The following SEL1L variants were observed in gnomAD, a reference collection of about 807,000 sequenced individuals.
SEL1L encodes the protein protein sel-1 homolog 1.
SEL1L carries 52 observed loss-of-function variants against 109.8 expected under a neutral mutation model. The observed-to-expected ratio is 0.47, with a 90% CI of 0.38 to 0.60. The LOEUF (loss-of-function observed/expected upper bound fraction) is 0.60. SEL1L is among the 20% of genes least tolerant of loss of function. The pLI, the probability that SEL1L is intolerant of heterozygous loss-of-function variation, is 0.00. For missense variants in SEL1L, 749 were observed against 962.2 expected, an observed-to-expected ratio of 0.78 and a Z score of 2.93; for synonymous variants, 373 against 339.6, an observed-to-expected ratio of 1.10 and a Z score of -1.08.
At position 81,502,782 on chromosome 14, in the gene SEL1L, A is replaced by C; in HGVS notation, c.716T>G (p.Ile239Ser). ...LLFGDYLPQN[I>S]QAAREMFEKL... ...CTCAAACATCTCTCTCGCTGCCTGG[A>C]TATTCTGTGGCAAGTAATCACCAAA... The change falls in exon 6 of 21, where the codon ATC becomes AGC. Residue 239 changes from isoleucine (I) to serine (S), a missense_variant. Physicochemically the swap from Ile to Ser is moderately radical, Grantham distance 142. This residue lies in a region of SEL1L where 366 missense variants were observed against 399.8 expected (regional missense o/e 0.92). Coordinates refer to ENST00000336735, the MANE Select transcript of SEL1L (RefSeq NM_005065.6). 1.9e-6 allele frequency: 3 copies of C among 1,614,104 alleles called. 1 individual carries two copies. In the South Asian group the frequency reaches 3.3e-5, roughly 18 times the overall value.
intron 1 of SEL1L, among the ~76,000 whole-genome samples, chr14:81,528,553 C>G (rs998478720): frequency 4.6e-5 from 7 of 152,142 alleles, no homozygotes; most frequent in African/African-American, 1.7e-4. Flanking sequence ...TAAACACATG[C>G]AACAACTCAA....
chr14:81,479,870 A>C, intron 19 of SEL1L, 130 bp from the exon 20 acceptor site: 4 of 834,368 alleles, frequency 4.8e-6, no homozygotes, highest in Non-Finnish European at 5.3e-6. Flanking sequence ...CACCTAAACA[A>C]AAATGCCAAG....
chr14:81,526,652 C>G, intron 3 of SEL1L, 81 bp downstream of exon 3: 1 of 1,024,442 alleles, frequency 9.8e-7, no homozygotes, highest in African/African-American at 1.6e-5. Context: ...AGCCAGTCTT[C>G]TTCAGCCTCT....
chr14:81,503,892 T>C (rs1884119621), intron 5 of SEL1L, among the ~76,000 whole-genome samples: 2 of 152,184 alleles, frequency 1.3e-5, no homozygotes, highest in Admixed American at 1.3e-4. Flanking sequence ...AACAATTCTT[T>C]TTGTTTTATG....
In SEL1L at chr14:81,476,917, T is replaced by C. The variant is rs762134626; in HGVS notation, c.*55A>G. Reference sequence around the variant, plus strand: ...CAAGGTCCTAAATCAAATGCAAGTGTTCCCAGCAGATAACTTCCTTCGCTG... The same window carrying C: ...CAAGGTCCTAAATCAAATGCAAGTGCTCCCAGCAGATAACTTCCTTCGCTG... On this transcript the variant is annotated 3_prime_UTR_variant, in exon 21 of 21. Transcript: ENST00000336735. 1.4e-5 allele frequency: 22 copies of C among 1,574,508 alleles called. No individual in the cohort carries two copies. The highest frequency in any genetic ancestry group is 9.0e-5 in the East Asian group (4 of 44,500).
At chr14:81,494,242 C>G (rs1250591750) in intron 11 of SEL1L, among the ~76,000 whole-genome samples, 1 of 152,164 alleles carries the variant, frequency 6.6e-6, no homozygotes, top group African/African-American at 2.4e-5. Context: ...CTCCCCTTCA[C>G]TTATATCCCA....
At chr14:81,528,066 A>G (rs1162182877) in intron 1 of SEL1L, among the ~76,000 whole-genome samples, 1 of 152,118 alleles carries the variant, frequency 6.6e-6, no homozygotes, top group Non-Finnish European at 1.5e-5. Context: ...TATTTAGTCT[A>G]TTTCTGAGAA....
At chr14:81,489,842 G>C (rs1490916480) in intron 13 of SEL1L, among the ~76,000 whole-genome samples, 2 of 152,120 alleles carry the variant, frequency 1.3e-5, no homozygotes, top group African/African-American at 4.8e-5. Flanking sequence ...TCTAGAATTT[G>C]CCTAAACTCA....
At position 81,498,049 on chromosome 14, in the gene SEL1L, G is replaced by T; in HGVS notation, c.974-3C>A. The T allele has an allele frequency of 6.2e-7, 1 of 1,610,668 alleles. No homozygotes were observed. Among genetic ancestry groups the T allele is most frequent in the Non-Finnish European group, 8.5e-7 (1 of 1,178,832 alleles). ...TGTTAGCGAGATATCACTAGCAACTGAAATAGAGGGATAAAACAATAAGGT... is the reference window on the plus strand; with the variant it reads ...TGTTAGCGAGATATCACTAGCAACTTAAATAGAGGGATAAAACAATAAGGT... On this transcript the variant is annotated splice_polypyrimidine_tract_variant and splice_region_variant and intron_variant, in intron 9 of 20. Coordinates refer to ENST00000336735, the MANE Select transcript of SEL1L (RefSeq NM_005065.6).
At chr14:81,530,823 A>G (rs1885292052) in intron 1 of SEL1L, among the ~76,000 whole-genome samples, 1 of 152,222 alleles carries the variant, frequency 6.6e-6, no homozygotes, top group Non-Finnish European at 1.5e-5. Context: ...AGCCTTCTAC[A>G]TACCTGGGCT....
chr14:81,516,217 C>G (rs976013573), intron 3 of SEL1L, among the ~76,000 whole-genome samples: 1 of 152,160 alleles, frequency 6.6e-6, no homozygotes, highest in African/African-American at 2.4e-5. Context: ...CCTCACCGAG[C>G]CCCGGGTACG....
chr14:81,521,418 C>T (rs529227509), intron 3 of SEL1L, among the ~76,000 whole-genome samples: 32 of 151,934 alleles, frequency 2.1e-4, no homozygotes, highest in Non-Finnish European at 4.3e-4. Flanking sequence ...TTACCAATGG[C>T]CAAAAAAGGA....
intron 15 of SEL1L, 62 bp downstream of exon 15, chr14:81,487,793 C>A: frequency 1.2e-6 from 2 of 1,600,188 alleles, no homozygotes; most frequent in Non-Finnish European, 1.7e-6. Context: ...ATAATGCCAT[C>A]TAGTAGAAAA....
At chr14:81,481,164 C>T (rs781122041) in intron 19 of SEL1L, among the ~76,000 whole-genome samples, 2 of 152,128 alleles carry the variant, frequency 1.3e-5, no homozygotes, top group Non-Finnish European at 1.5e-5. Flanking sequence ...AATTTTGGCC[C>T]AGGCTGGAGT....
intron 3 of SEL1L, among the ~76,000 whole-genome samples, chr14:81,525,420 T>TA (rs376907456): frequency 0.017 from 1,259 of 75,408 alleles, 9 homozygotes; most frequent in South Asian, 0.041. Context: ...ATATAAAAAC[T>TA]AAAAAAAAAA....
At chr14:81,517,797 G>C (rs891246975) in intron 3 of SEL1L, among the ~76,000 whole-genome samples, 1 of 152,190 alleles carries the variant, frequency 6.6e-6, no homozygotes, top group Admixed American at 6.5e-5. Flanking sequence ...AAAATGTTTA[G>C]TGGGACACAA....
At chr14:81,490,540 TTTGAG>T (rs1883501566) in intron 12 of SEL1L, 75 bp from the exon 13 acceptor site, 1 of 1,114,288 alleles carries the variant, frequency 9.0e-7, no homozygotes, top group African/African-American at 1.5e-5. Flanking sequence ...TCTCATCTCC[TTTGAG>T]TTTTGTCAGA....
In SEL1L at chr14:81,475,127, G is replaced by C. The variant is rs1903118829; in HGVS notation, c.*1845C>G. ...TATTTTGAAGCGGGGAGAAGGGACA[G>C]TGGTGGAGACACCAAAGTACTGTAC... On this transcript the variant is annotated 3_prime_UTR_variant, in exon 21 of 21. Transcript: ENST00000336735. 1 of 152,336 alleles carries C rather than the reference G, an allele frequency of 6.6e-6. No individual in the cohort carries two copies. The highest frequency in any genetic ancestry group is 2.1e-4 in the South Asian group (1 of 4,824). The allele number at this position is 152,336 out of a possible 1,614,324, so 9.4% of individuals were successfully genotyped here. A position where few individuals can be genotyped will look rare whatever the true frequency, so the allele number is the denominator to read the frequency against.
intron 3 of SEL1L, among the ~76,000 whole-genome samples, chr14:81,512,359 T>A (rs1223282229): frequency 6.6e-6 from 1 of 152,212 alleles, no homozygotes; most frequent in Non-Finnish European, 1.5e-5. Context: ...ATAGGACATT[T>A]TTTTGCTTAA....
Sources: allele counts gnomAD v4.1 joint callset (sites outside exome capture counted in the v4.1 genomes callset), GRCh38; gene constraint gnomAD v4.1.1; regional missense constraint gnomAD v4.1.1; transcripts MANE v1.5; gene names NCBI Gene and HGNC (gene_info 2026-07-23, HGNC 2026-07-21).